Variants in DGKI observed in about 807,000 individuals in gnomAD.
DGKI encodes diacylglycerol kinase iota.
A neutral mutation model predicts 147.5 loss-of-function variants in DGKI; 55 were observed. The ratio of observed to expected loss-of-function variants is 0.37; its 90% CI spans 0.30 to 0.47. The LOEUF (loss-of-function observed/expected upper bound fraction) is 0.47. Ranked by LOEUF, DGKI falls within the 20% of genes least tolerant of loss-of-function variation. The pLI is 1.00. For missense variants in DGKI, 1,007 were observed against 1,323.8 expected, an observed-to-expected ratio of 0.76 and a Z score of 3.71; for synonymous variants, 469 against 477.1, an observed-to-expected ratio of 0.98 and a Z score of 0.22.
intron 23 of DGKI, among the ~76,000 whole-genome samples, chr7:137,483,007 A>G (rs1815423564): frequency 6.6e-6 from 1 of 152,122 alleles, no homozygotes; most frequent in South Asian, 2.1e-4. Context: ...TTTGACACCA[A>G]GATTTGACTT....
intron 1 of DGKI, among the ~76,000 whole-genome samples, chr7:137,767,365 C>T (rs1255054367): frequency 1.3e-5 from 2 of 151,930 alleles, no homozygotes; most frequent in East Asian, 3.9e-4. Flanking sequence ...AAGCAATCTC[C>T]CAGAATGTAG....
intron 19 of DGKI, among the ~76,000 whole-genome samples, chr7:137,570,809 G>T (rs1356841828): frequency 1.3e-5 from 2 of 151,982 alleles, no homozygotes; most frequent in African/African-American, 4.8e-5. Flanking sequence ...GGCTCTTCTG[G>T]AACTCCTGAC....
intron 8 of DGKI, among the ~76,000 whole-genome samples, chr7:137,615,993 T>C (rs1266348324): frequency 6.6e-6 from 1 of 152,126 alleles, no homozygotes. Context: ...AGCTTTTAAA[T>C]AGACTATGGT....
At chr7:137,683,690 C>A (rs270892) in intron 2 of DGKI, among the ~76,000 whole-genome samples, 152,344 of 152,354 alleles carry the variant, frequency 1, 76,167 homozygotes, top group Middle Eastern at 1. Context: ...CTCAAAGAGT[C>A]TCCATCTGTG....
intron 21 of DGKI, among the ~76,000 whole-genome samples, chr7:137,494,004 T>TA (rs1815869556): frequency 6.6e-6 from 1 of 152,052 alleles, no homozygotes; most frequent in Non-Finnish European, 1.5e-5. Context: ...ATGCTAGAGC[T>TA]AAAAAACTCA....
At chr7:137,577,317 C>T (rs746692937) in intron 16 of DGKI, 33 bp from the exon 17 acceptor site, 135 of 1,460,552 alleles carry the variant, frequency 9.2e-5, no homozygotes, top group Non-Finnish European at 1.1e-4. Context: ...AGAAGAAATT[C>T]GTAATTACAT....
intron 6 of DGKI, among the ~76,000 whole-genome samples, chr7:137,643,316 A>AAAAG (rs1821712460): frequency 7.4e-6 from 1 of 134,930 alleles, no homozygotes; most frequent in African/African-American, 2.7e-5. Context: ...AAAAAAAAAA[A>AAAAG]GTCTATGAAT....
intron 28 of DGKI, among the ~76,000 whole-genome samples, chr7:137,439,305 C>T (rs538507882): frequency 6.6e-6 from 1 of 152,168 alleles, no homozygotes; most frequent in Admixed American, 6.5e-5. Flanking sequence ...AATCCATTCT[C>T]ATGTTGCTAA....
In DGKI at chr7:137,397,358, A is replaced by T. The variant is rs1247084369; in HGVS notation, c.2957+19T>A. On this transcript the variant is annotated intron_variant, in intron 31 of 32. Coordinates refer to ENST00000614521, the MANE Select transcript of DGKI (RefSeq NM_001321708.2). ...CTGAAGAAAATAACCTAGACTATGT[A>T]ATAAAAGGCAACACTCACGTTTCAC... 6.2e-7 allele frequency: 1 copy of T among 1,611,068 alleles called. No individual in the cohort carries two copies.
intron 1 of DGKI, among the ~76,000 whole-genome samples, chr7:137,799,991 T>G (rs1276778693): frequency 6.6e-6 from 1 of 152,160 alleles, no homozygotes; most frequent in East Asian, 1.9e-4. Context: ...TCTAGACAAC[T>G]GTTAGAAATA....
At chr7:137,726,923 C>A (rs1386478694) in intron 1 of DGKI, among the ~76,000 whole-genome samples, 1 of 152,128 alleles carries the variant, frequency 6.6e-6, no homozygotes, top group Admixed American at 6.6e-5. Flanking sequence ...TATCAACTCA[C>A]TACTATGTTA....
At chr7:137,548,333 C>A (rs1361727334) in intron 20 of DGKI, among the ~76,000 whole-genome samples, 1 of 152,092 alleles carries the variant, frequency 6.6e-6, no homozygotes, top group African/African-American at 2.4e-5. Flanking sequence ...TGTGTCCCAT[C>A]CAAATCTCAT....
chr7:137,738,209 G>A lies in DGKI; in HGVS notation c.402-48207C>T, dbSNP rs183114859. On this transcript the variant is annotated intron_variant, in intron 1 of 32. Coordinates refer to ENST00000614521, the MANE Select transcript of DGKI (RefSeq NM_001321708.2). ...CCACATGACACTGATTAAGTTAATC[G>A]GTGTAATGTAGATACTAAGTGACAA... Among the ~76,000 whole-genome samples the A allele has an allele frequency of 3.9e-3, 589 of 152,200 alleles. 4 individuals carry two copies. Among genetic ancestry groups the A allele is most frequent in the African/African-American group, 0.011 (469 of 41,534 alleles).
chr7:137,429,314 A>G (rs1812962778), intron 28 of DGKI, among the ~76,000 whole-genome samples: 1 of 152,140 alleles, frequency 6.6e-6, no homozygotes, highest in South Asian at 2.1e-4. Context: ...AGGATTCCCT[A>G]TTTAATAAAT....
chr7:137,658,929 C>T (rs1396771181), intron 3 of DGKI, among the ~76,000 whole-genome samples: 1 of 152,176 alleles, frequency 6.6e-6, no homozygotes, highest in African/African-American at 2.4e-5. Flanking sequence ...GAGTCGAGTG[C>T]TGTAAGTTCT....
At chr7:137,618,163 T>TTTTTTTTTTTG (rs1820612716) in intron 8 of DGKI, among the ~76,000 whole-genome samples, 1 of 29,900 alleles carries the variant, frequency 3.3e-5, no homozygotes, top group Non-Finnish European at 1.4e-4. Context: ...TTTTTTTTTT[T>TTTTTTTTTTTG]TACTCTATCA....
chr7:137,753,716 T>C (rs1181267248), intron 1 of DGKI, among the ~76,000 whole-genome samples: 2 of 152,150 alleles, frequency 1.3e-5, no homozygotes, highest in Non-Finnish European at 2.9e-5. Flanking sequence ...ACAGAGGACA[T>C]AGACAGGAGG....
chr7:137,639,210 A>T (rs1821531856), intron 6 of DGKI, among the ~76,000 whole-genome samples: 1 of 152,224 alleles, frequency 6.6e-6, no homozygotes. Flanking sequence ...CATATGAAAT[A>T]TGCAATGAGA....
At chr7:137,544,786 T>C (rs1219204419) in intron 20 of DGKI, among the ~76,000 whole-genome samples, 1 of 152,142 alleles carries the variant, frequency 6.6e-6, no homozygotes, top group African/African-American at 2.4e-5. Flanking sequence ...TATTAAGATA[T>C]TGCCAATCAT....
Sources: gnomAD v4.1 joint callset for allele counts (sites outside exome capture counted in the v4.1 genomes callset) on GRCh38, gnomAD v4.1.1 for gene constraint, MANE v1.5 for transcripts, NCBI Gene and HGNC (gene_info 2026-07-23, HGNC 2026-07-21) for gene names.